Variants in MARCHF1 observed in about 807,000 individuals in gnomAD.
MARCHF1 encodes E3 ubiquitin-protein ligase MARCHF1.
Under a neutral mutation model 54.2 loss-of-function variants are expected in MARCHF1, and 40 were observed. The ratio of observed to expected loss-of-function variants is 0.74; its 90% CI spans 0.57 to 0.96. The LOEUF is 0.96. MARCHF1 is among the 40% of genes least tolerant of loss of function. The pLI, the probability that MARCHF1 is intolerant of heterozygous loss-of-function variation, is 0.00. For synonymous variants in MARCHF1, 236 were observed against 236.3 expected, an observed-to-expected ratio of 1.00 and a Z score of 0.01; for missense variants, 586 against 656.5, an observed-to-expected ratio of 0.89 and a Z score of 1.17.
chr4:163,615,065 G>A (rs908154099), intron 5 of MARCHF1, among the ~76,000 whole-genome samples: 3 of 152,036 alleles, frequency 2.0e-5, no homozygotes, highest in Admixed American at 6.6e-5. Context: ...CTGACCTCTA[G>A]AACTATAAGA....
intron 1 of MARCHF1, among the ~76,000 whole-genome samples, chr4:164,115,841 A>G (rs953647043): frequency 8.5e-5 from 13 of 152,100 alleles, no homozygotes; most frequent in Admixed American, 4.6e-4. Context: ...AAAGAAAATA[A>G]TTCAAAGATT....
chr4:163,839,190 A>T (rs1238566800), intron 4 of MARCHF1, among the ~76,000 whole-genome samples: 1 of 152,100 alleles, frequency 6.6e-6, no homozygotes, highest in African/African-American at 2.4e-5. Flanking sequence ...ACCAATTAGC[A>T]TGGCTATAAA....
chr4:164,242,821 C>A (rs928286742), intron 1 of MARCHF1, among the ~76,000 whole-genome samples: 24 of 151,308 alleles, frequency 1.6e-4, no homozygotes, highest in Non-Finnish European at 2.8e-4. Context: ...TCGAGAACTA[C>A]GTGAAGAATG....
intron 4 of MARCHF1, among the ~76,000 whole-genome samples, chr4:163,765,411 TCTTA>T (rs1203521278): frequency 2.0e-5 from 3 of 152,110 alleles, no homozygotes; most frequent in Non-Finnish European, 2.9e-5. Context: ...TTCACATTCA[TCTTA>T]CTGTTAACTA....
chr4:163,585,911 C>T lies in MARCHF1; in HGVS notation c.1029G>A (p.Gly343=). ...LEVCRICHCE[G]DEESPLITPC... ...GTGTGATGAGGGGGCTCTCTTCATC[C>T]CCTTCGCAGTGACAGATTCTGCAGA... The change falls in exon 8 of 10, where the codon GGG becomes GGA. Residue 343 remains glycine (G), a synonymous_variant. Transcript: ENST00000514618. 2 of 1,607,430 alleles carry T rather than the reference C, an allele frequency of 1.2e-6. No individual in the cohort carries two copies. The highest frequency in any genetic ancestry group is 1.7e-6 in the Non-Finnish European group (2 of 1,177,466).
At chr4:164,081,404 CA>C (rs1755098786) in intron 2 of MARCHF1, among the ~76,000 whole-genome samples, 1 of 151,706 alleles carries the variant, frequency 6.6e-6, no homozygotes, top group South Asian at 2.1e-4. Context: ...AATAACTTAG[CA>C]AAAAGACAGA....
Position 164,112,778 on chromosome 4 carries a change from C to G in MARCHF1, c.-322-1116G>C, listed in dbSNP as rs572541152. On this transcript the variant is annotated intron_variant, in intron 1 of 9. Coordinates refer to ENST00000514618, the MANE Select transcript of MARCHF1 (RefSeq NM_001394959.1). ...GTTAGAGAAACAACAAAAACAACAA[C>G]AAAATATTTCTACAAGAAAAGAATA... Among the ~76,000 whole-genome samples, 4 of 151,852 alleles carry G rather than the reference C, an allele frequency of 2.6e-5. No individual in the cohort carries two copies. The South Asian group carries it at 8.3e-4, about 31-fold the overall frequency.
chr4:164,298,242 G>C (rs114177016), intron 1 of MARCHF1, among the ~76,000 whole-genome samples: 541 of 152,102 alleles, frequency 3.6e-3, no homozygotes, highest in Non-Finnish European at 7.0e-3. Flanking sequence ...TACATAAAAA[G>C]AGTTTTCAAA....
intron 5 of MARCHF1, among the ~76,000 whole-genome samples, chr4:163,654,403 C>A (rs1461406784): frequency 6.6e-6 from 1 of 151,630 alleles, no homozygotes; most frequent in Non-Finnish European, 1.5e-5. Flanking sequence ...GATTGTAAAA[C>A]CTACTCAAGA....
intron 2 of MARCHF1, among the ~76,000 whole-genome samples, chr4:164,002,573 T>C (rs1753207746): frequency 1.3e-5 from 2 of 150,584 alleles, no homozygotes; most frequent in Admixed American, 1.3e-4. Context: ...GTGGGGAAAA[T>C]CAAGACGTTA....
At chr4:163,536,054 G>A (rs1035339727) in intron 9 of MARCHF1, among the ~76,000 whole-genome samples, 1 of 152,158 alleles carries the variant, frequency 6.6e-6, no homozygotes. Context: ...AATCCCTGCT[G>A]TGGAAGACAA....
intron 7 of MARCHF1, among the ~76,000 whole-genome samples, chr4:163,592,089 A>G (rs1740609123): frequency 6.6e-6 from 1 of 152,172 alleles, no homozygotes; most frequent in African/African-American, 2.4e-5. Context: ...AAATATCCTA[A>G]GCCATCATTC....
chr4:164,198,280 A>G (rs993857815), intron 1 of MARCHF1, among the ~76,000 whole-genome samples: 3 of 152,212 alleles, frequency 2.0e-5, no homozygotes, highest in African/African-American at 7.2e-5. Flanking sequence ...CTGACTCACA[A>G]TGTGATCTTG....
intron 1 of MARCHF1, among the ~76,000 whole-genome samples, chr4:164,193,089 A>T (rs1030049802): frequency 5.9e-5 from 9 of 152,228 alleles, no homozygotes; most frequent in Admixed American, 5.9e-4. Context: ...CTGTGGTCAG[A>T]GGTTACCTCT....
intron 4 of MARCHF1, among the ~76,000 whole-genome samples, chr4:163,722,773 C>A (rs191323241): frequency 1.3e-5 from 2 of 152,202 alleles, no homozygotes; most frequent in African/African-American, 4.8e-5. Context: ...ATCCCTTTAC[C>A]ATTATGTAAT....
At chr4:164,048,013 G>A (rs1285139155) in intron 2 of MARCHF1, among the ~76,000 whole-genome samples, 1 of 152,006 alleles carries the variant, frequency 6.6e-6, no homozygotes, top group African/African-American at 2.4e-5. Flanking sequence ...GGTGATTAAT[G>A]TATTTTATTT....
intron 2 of MARCHF1, among the ~76,000 whole-genome samples, chr4:164,108,899 A>T (rs1254875192): frequency 2.0e-5 from 3 of 152,100 alleles, no homozygotes; most frequent in Non-Finnish European, 4.4e-5. Context: ...GTGATTTTTA[A>T]AAGTGCTTAT....
intron 1 of MARCHF1, among the ~76,000 whole-genome samples, chr4:164,288,801 T>A (rs902930939): frequency 1.3e-5 from 2 of 152,014 alleles, no homozygotes; most frequent in East Asian, 1.9e-4. Context: ...GGGAAAAAAA[T>A]TCCGAGGTGA....
chr4:163,928,668 T>A (rs1751590087), intron 3 of MARCHF1, among the ~76,000 whole-genome samples: 1 of 151,950 alleles, frequency 6.6e-6, no homozygotes, highest in African/African-American at 2.4e-5. Flanking sequence ...AACAAAACGT[T>A]AAAATTCTGA....
Sources: allele counts gnomAD v4.1 joint callset (sites outside exome capture counted in the v4.1 genomes callset), GRCh38; gene constraint gnomAD v4.1.1; transcripts MANE v1.5; gene names NCBI Gene and HGNC (gene_info 2026-07-23, HGNC 2026-07-21).